The following DPP10 variants were observed in gnomAD, a reference collection of about 807,000 sequenced individuals.
DPP10 encodes the protein inactive dipeptidyl peptidase 10.
In DPP10, 33 loss-of-function variants were observed where a neutral mutation model predicts 120.9. The observed-to-expected ratio is 0.27, with a 90% CI of 0.21 to 0.37. The LOEUF is 0.37. Ranked by LOEUF, DPP10 falls within the 10% of genes least tolerant of loss-of-function variation. The pLI is 1.00. For missense variants in DPP10, 816 were observed against 942.8 expected (o/e 0.87, Z 1.76); for synonymous variants, 337 against 326.1 (o/e 1.03, Z -0.36).
At chr2:114,990,323 T>C (rs1395985947) in intron 1 of DPP10, among the ~76,000 whole-genome samples, 1 of 152,130 alleles carries the variant, frequency 6.6e-6, no homozygotes, top group East Asian at 1.9e-4. Context: ...ATGATGGCAT[T>C]CTATTAAAAT....
intron 1 of DPP10, among the ~76,000 whole-genome samples, chr2:114,747,262 A>G (rs1678661844): frequency 6.6e-6 from 1 of 152,188 alleles, no homozygotes; most frequent in Admixed American, 6.5e-5. Context: ...AGAATAATAA[A>G]CTGTTGTCCT....
intron 5 of DPP10, among the ~76,000 whole-genome samples, chr2:115,685,909 A>G (rs2090961658): frequency 6.6e-6 from 1 of 152,080 alleles, no homozygotes; most frequent in South Asian, 2.1e-4. Flanking sequence ...GTAGATTATT[A>G]TCCATAAATT....
At chr2:114,718,993 A>C (rs1701532109) in intron 1 of DPP10, among the ~76,000 whole-genome samples, 3 of 152,244 alleles carry the variant, frequency 2.0e-5, no homozygotes, top group Admixed American at 1.3e-4. Context: ...CCATCTGAGC[A>C]GATCAAGCCT....
chr2:115,115,127 C>T (rs1195873869), intron 1 of DPP10, among the ~76,000 whole-genome samples: 2 of 151,748 alleles, frequency 1.3e-5, no homozygotes, highest in African/African-American at 2.4e-5. Context: ...CGGAGACCTA[C>T]GGGGAGGTTT....
chr2:115,471,612 G>A (rs1238876856), intron 3 of DPP10, among the ~76,000 whole-genome samples: 1 of 151,104 alleles, frequency 6.6e-6, no homozygotes, highest in Non-Finnish European at 1.5e-5. Context: ...TTTGAGACAA[G>A]GTCTCACACT....
chr2:114,843,169 C>T (rs532262951), intron 1 of DPP10, among the ~76,000 whole-genome samples: 4 of 152,046 alleles, frequency 2.6e-5, no homozygotes, highest in Admixed American at 2.6e-4. Context: ...TTGAACCCCC[C>T]AAGATGAGAA....
chr2:115,663,539 G>T (rs1356679997), intron 5 of DPP10, among the ~76,000 whole-genome samples: 7 of 152,148 alleles, frequency 4.6e-5, no homozygotes, highest in Non-Finnish European at 8.8e-5. Context: ...GAACTGCTTA[G>T]CAAAGGCTCA....
At chr2:115,239,651 G>A (rs939686523) in intron 1 of DPP10, among the ~76,000 whole-genome samples, 3 of 152,046 alleles carry the variant, frequency 2.0e-5, no homozygotes, top group African/African-American at 4.8e-5. Context: ...TGTGCAGAAC[G>A]TGCAGGTTTG....
chr2:115,073,060 G>A (rs912859049), intron 1 of DPP10, among the ~76,000 whole-genome samples: 2 of 152,204 alleles, frequency 1.3e-5, no homozygotes, highest in Non-Finnish European at 2.9e-5. Context: ...TGGGATTACA[G>A]GCTTGAGCCA....
intron 1 of DPP10, among the ~76,000 whole-genome samples, chr2:114,956,473 C>T (rs1008607062): frequency 1.3e-5 from 2 of 151,632 alleles, no homozygotes; most frequent in African/African-American, 4.8e-5. Context: ...GAAAGATATC[C>T]CATGTTCATG....
rs567154173 is a variant in DPP10 at position 114,536,262 on chromosome 2, A to T, written c.60+93424A>T. 2.9e-4 allele frequency among the ~76,000 whole-genome samples: 44 copies of T among 152,222 alleles called. No homozygotes were observed. In the South Asian group the frequency reaches 8.1e-3, roughly 28 times the overall value. On this transcript the variant is annotated intron_variant, in intron 1 of 25. Transcript: ENST00000410059. ...TATTGAATCTGAGGGCTGCCAACAG[A>T]TGAATCTTTTCCCTTAGAGGAATGT...
intron 1 of DPP10, among the ~76,000 whole-genome samples, chr2:115,165,365 T>G (rs1224520969): frequency 1.3e-5 from 2 of 152,218 alleles, no homozygotes; most frequent in African/African-American, 4.8e-5. Flanking sequence ...TTAACTTCTA[T>G]ACAATCATGA....
intron 1 of DPP10, among the ~76,000 whole-genome samples, chr2:114,659,895 G>A (rs1055612055): frequency 1.3e-5 from 2 of 152,168 alleles, no homozygotes; most frequent in Non-Finnish European, 2.9e-5. Flanking sequence ...TACCAGCCAC[G>A]TAATATCAAG....
At chr2:114,788,685 T>C (rs552921293) in intron 1 of DPP10, among the ~76,000 whole-genome samples, 59 of 152,346 alleles carry the variant, frequency 3.9e-4, no homozygotes, top group African/African-American at 1.3e-3. Flanking sequence ...AACTTGTTTA[T>C]ACAATAGTAT....
chr2:115,300,841 G>T (rs776593584), intron 1 of DPP10, among the ~76,000 whole-genome samples: 1 of 151,968 alleles, frequency 6.6e-6, no homozygotes, highest in South Asian at 2.1e-4. Flanking sequence ...CTTTAAGGTT[G>T]GTTTCCAGAG....
intron 7 of DPP10, among the ~76,000 whole-genome samples, chr2:115,703,651 C>A (rs1349150375): frequency 2.0e-5 from 3 of 151,886 alleles, no homozygotes; most frequent in African/African-American, 7.2e-5. Context: ...GGCTAAGGAC[C>A]ATCCATATTA....
intron 1 of DPP10, among the ~76,000 whole-genome samples, chr2:114,839,561 A>G (rs1402502144): frequency 1.3e-5 from 2 of 152,186 alleles, no homozygotes; most frequent in Non-Finnish European, 2.9e-5. Flanking sequence ...TTAAGTAACC[A>G]AACATTTCTA....
intron 3 of DPP10, among the ~76,000 whole-genome samples, chr2:115,453,863 C>G (rs1254616719): frequency 6.6e-6 from 1 of 151,192 alleles, no homozygotes; most frequent in Non-Finnish European, 1.5e-5. Context: ...AGATTTACTA[C>G]AAACATGAGG....
chr2:115,605,238 G>T (rs1015588476), intron 5 of DPP10, among the ~76,000 whole-genome samples: 4 of 151,988 alleles, frequency 2.6e-5, no homozygotes, highest in Non-Finnish European at 5.9e-5. Flanking sequence ...ATAATTTAAT[G>T]CTGATAAGAA....
Sources: allele counts gnomAD v4.1 joint callset (sites outside exome capture counted in the v4.1 genomes callset), GRCh38; gene constraint gnomAD v4.1.1; transcripts MANE v1.5; gene names NCBI Gene and HGNC (gene_info 2026-07-23, HGNC 2026-07-21).